Variants in ADCY3 observed in about 807,000 individuals in gnomAD.
ADCY3 encodes the protein adenylate cyclase 3, also known as adenylate cyclase type 3.
ADCY3 carries 70 observed loss-of-function variants against 119.4 expected under a neutral mutation model. The ratio of observed to expected loss-of-function variants is 0.59; its 90% CI spans 0.48 to 0.72. The LOEUF is 0.72. Among genes scored for constraint, ADCY3 ranks in the 30% least tolerant of loss-of-function variants. The probability of loss-of-function intolerance (pLI) is 0.00; values close to 1 mark genes in which losing one functional copy is unlikely to be tolerated. For synonymous variants in ADCY3, 672 were observed against 621.4 expected (o/e 1.08, Z -1.21); for missense variants, 1,238 against 1,541.6 (o/e 0.80, Z 3.30).
At chr2:24,892,981 G>A (rs1677860770) in intron 2 of ADCY3, among the ~76,000 whole-genome samples, 1 of 151,610 alleles carries the variant, frequency 6.6e-6, no homozygotes, top group Non-Finnish European at 1.5e-5. Flanking sequence ...CTTTTAATTA[G>A]GGTTTGCACA....
intron 17 of ADCY3, 126 bp from the exon 18 acceptor site, chr2:24,823,481 A>G: frequency 1.2e-6 from 1 of 854,726 alleles, no homozygotes; most frequent in Non-Finnish European, 1.7e-6. Context: ...CATCAGTCAG[A>G]TTATTCCAGC....
At position 24,878,120 on chromosome 2, in the gene ADCY3, T is replaced by C. The variant is rs1166544310; in HGVS notation, c.676-5401A>G. On this transcript the variant is annotated intron_variant, in intron 2 of 21. Transcript: ENST00000679454. The surrounding 1 kb of genome is among the most constrained non-coding windows in gnomAD (Gnocchi z 4.0). ...CTGGAAATAACTTATTTCAAAAGAATTGTTCTGCTTTTTTAAAATATACAA... is the reference window on the plus strand; with the variant it reads ...CTGGAAATAACTTATTTCAAAAGAACTGTTCTGCTTTTTTAAAATATACAA... 1.8e-5 allele frequency: 5 copies of C among 271,276 alleles called. No individual in the cohort carries two copies. Among genetic ancestry groups the C allele is most frequent in the Non-Finnish European group, 1.5e-5 (2 of 130,820 alleles). 16.8% of individuals were successfully genotyped at this position (271,276 alleles called of 1,614,324 possible).
Position 24,898,111 on chromosome 2 carries a change from T to A in ADCY3, c.675+20202A>T, listed in dbSNP as rs1678491062. On this transcript the variant is annotated intron_variant, in intron 2 of 21. Transcript: ENST00000679454. The surrounding 1 kb of genome is among the most constrained non-coding windows in gnomAD (Gnocchi z 4.3). ...AACTCTCCAGTCAGAGGTTCTCCAC[T>A]ACCCCGTCTATGTTCACCCCCAGAC... 6.6e-6 allele frequency among the ~76,000 whole-genome samples: 1 copy of A among 152,128 alleles called. No individual in the cohort carries two copies. Among genetic ancestry groups the A allele is most frequent in the Admixed American group, 6.5e-5 (1 of 15,280 alleles).
intron 2 of ADCY3, among the ~76,000 whole-genome samples, chr2:24,916,367 G>A (rs1238723865): frequency 6.6e-6 from 1 of 152,142 alleles, no homozygotes; most frequent in Non-Finnish European, 1.5e-5. Flanking sequence ...AGAGAGACCA[G>A]TCATCCTCAG....
intron 3 of ADCY3, among the ~76,000 whole-genome samples, chr2:24,866,695 T>C (rs1674359752): frequency 2.0e-5 from 3 of 151,730 alleles, no homozygotes; most frequent in African/African-American, 4.8e-5. Context: ...TAATATATTC[T>C]AAAAAATAGA....
chr2:24,908,769 AAC>A (rs1340311694), intron 2 of ADCY3, among the ~76,000 whole-genome samples: 1 of 152,140 alleles, frequency 6.6e-6, no homozygotes, highest in African/African-American at 2.4e-5. Context: ...AATCGTGCAA[AAC>A]ACCATCAGAC....
chr2:24,842,129 G>A lies in ADCY3; in HGVS notation c.956+125C>T, dbSNP rs1671080812. 2.2e-6 allele frequency: 3 copies of A among 1,365,332 alleles called. No homozygotes were observed. The Admixed American group carries it at 5.8e-5, about 27-fold the overall frequency. 84.6% of individuals were successfully genotyped at this position (1,365,332 alleles called of 1,614,324 possible). A position where few individuals can be genotyped will look rare whatever the true frequency, so the allele number is the denominator to read the frequency against. On this transcript the variant is annotated intron_variant, in intron 4 of 21. Coordinates refer to ENST00000679454, the MANE Select transcript of ADCY3 (RefSeq NM_004036.5). This position sits in a 1 kb window ranked among gnomAD's most constrained non-coding sequence, Gnocchi z 4.9. ...TTCCTCCGCCAGGCTGATGAATGCT[G>A]TGGGAGGCCTTGCTTCTAGTCCCTG...
intron 3 of ADCY3, among the ~76,000 whole-genome samples, chr2:24,849,655 A>G (rs995764999): frequency 6.6e-6 from 1 of 152,244 alleles, no homozygotes; most frequent in Non-Finnish European, 1.5e-5. Context: ...AAGCAGGCCA[A>G]CAGTCTACCT....
Position 24,918,462 on chromosome 2 carries a change from C to T in ADCY3, c.526G>A (p.Val176Ile). Residue 176 changes from valine to isoleucine, a missense_variant, in exon 2 of 22, where the codon GTC becomes ATC. Transcript: ENST00000679454. This position sits in a 1 kb window ranked among gnomAD's most constrained non-coding sequence, Gnocchi z 5.4. ...GGCAGCGTGATGAAGAAGGAGAAGA[C>T]AAAGAAGACCTGCCAGCCCACCGTG... ...SDTVGWQVFF[V>I]FSFFITLPLS... is the part of the protein sequence containing the mutation. The T allele has an allele frequency of 6.2e-7, 1 of 1,614,004 alleles. No homozygotes were observed. The highest frequency in any genetic ancestry group is 1.1e-5 in the South Asian group (1 of 91,076).
chr2:24,824,242 G>A, intron 17 of ADCY3, 136 bp downstream of exon 17: 1 of 1,084,752 alleles, frequency 9.2e-7, no homozygotes, highest in Non-Finnish European at 1.3e-6. Flanking sequence ...ATTTGTGTTT[G>A]CTGTTTAGGT....
chr2:24,826,251 G>T (rs1668601506), intron 15 of ADCY3, 125 bp from the exon 16 acceptor site: 4 of 798,408 alleles, frequency 5.0e-6, no homozygotes, highest in Non-Finnish European at 8.0e-6. Context: ...CGGCTCCTTA[G>T]GCCCTTTCAC....
chr2:24,909,684 T>C (rs900951112), intron 2 of ADCY3, among the ~76,000 whole-genome samples: 1 of 152,192 alleles, frequency 6.6e-6, no homozygotes, highest in Admixed American at 6.5e-5. Flanking sequence ...TTTCTAACTT[T>C]TGAAGCATTC....
chr2:24,842,392 G>A lies in ADCY3; in HGVS notation c.826-8C>T. On this transcript the variant is annotated splice_region_variant and splice_polypyrimidine_tract_variant and intron_variant, in intron 3 of 21. Transcript: ENST00000679454. The surrounding 1 kb of genome is among the most constrained non-coding windows in gnomAD (Gnocchi z 4.9). Reference sequence around the variant, plus strand: ...GGAAAGCATGAGGTTCTCCTGTGAGGGGCAGGAGAGGGTCAGAGGCAAAGG... The same window carrying A: ...GGAAAGCATGAGGTTCTCCTGTGAGAGGCAGGAGAGGGTCAGAGGCAAAGG... The A allele has an allele frequency of 1.2e-6, 2 of 1,614,066 alleles. No homozygotes were observed. Among genetic ancestry groups the A allele is most frequent in the Non-Finnish European group, 1.7e-6 (2 of 1,179,990 alleles).
intron 3 of ADCY3, among the ~76,000 whole-genome samples, chr2:24,850,766 T>A (rs1009050584): frequency 1.1e-4 from 16 of 152,188 alleles, no homozygotes; most frequent in African/African-American, 3.6e-4. Context: ...AAATGGCTAA[T>A]TAAAATGACA....
intron 3 of ADCY3, among the ~76,000 whole-genome samples, chr2:24,865,903 A>G (rs1319898713): frequency 2.0e-5 from 3 of 152,146 alleles, no homozygotes; most frequent in Non-Finnish European, 4.4e-5. Context: ...CAGGGTCGAG[A>G]GGCTGGAGAG....
At chr2:24,906,234 G>GT (rs1679430877) in intron 2 of ADCY3, among the ~76,000 whole-genome samples, 1 of 152,040 alleles carries the variant, frequency 6.6e-6, no homozygotes, top group African/African-American at 2.4e-5. Flanking sequence ...TTCAGCCCAG[G>GT]AGGTGGAGGT....
At chr2:24,866,416 C>T (rs1040141050) in intron 3 of ADCY3, among the ~76,000 whole-genome samples, 5 of 151,704 alleles carry the variant, frequency 3.3e-5, no homozygotes, top group Admixed American at 3.3e-4. Context: ...CTACAAAAAA[C>T]CATTTTTTTA....
intron 3 of ADCY3, among the ~76,000 whole-genome samples, chr2:24,864,983 T>C (rs1162616118): frequency 6.6e-6 from 1 of 152,232 alleles, no homozygotes; most frequent in African/African-American, 2.4e-5. Flanking sequence ...TACTATGATA[T>C]AATAAATACC....
chr2:24,863,973 G>A (rs1673987696), intron 3 of ADCY3, among the ~76,000 whole-genome samples: 1 of 152,208 alleles, frequency 6.6e-6, no homozygotes, highest in Admixed American at 6.5e-5. Context: ...CTCATTGCTG[G>A]TGGAGTATAA....
Sources: gnomAD v4.1 joint callset for allele counts (sites outside exome capture counted in the v4.1 genomes callset) on GRCh38, gnomAD v4.1.1 for gene constraint, Gnocchi (gnomAD v3.1) non-coding constraint, MANE v1.5 for transcripts, NCBI Gene and HGNC (gene_info 2026-07-23, HGNC 2026-07-21) for gene names.